PPP6R3: variants seen among roughly 807,000 people sequenced by gnomAD.
PPP6R3 encodes the protein serine/threonine-protein phosphatase 6 regulatory subunit 3.
Under a neutral mutation model 110.7 loss-of-function variants are expected in PPP6R3, and 38 were observed. That is an observed-to-expected ratio of 0.34 (90% CI 0.26 to 0.45). The LOEUF (loss-of-function observed/expected upper bound fraction) is 0.45, where lower values mean the gene tolerates loss of function less well. Ranked by LOEUF, PPP6R3 falls within the 20% of genes least tolerant of loss-of-function variation. The pLI, the probability that PPP6R3 is intolerant of heterozygous loss-of-function variation, is 1.00. For synonymous variants in PPP6R3, 369 were observed against 373.5 expected, an observed-to-expected ratio of 0.99 and a Z score of 0.14; for missense variants, 870 against 1,062.4, an observed-to-expected ratio of 0.82 and a Z score of 2.52.
chr11:68,607,725 A>G lies in PPP6R3; in HGVS notation c.2451-2179A>G, dbSNP rs576648467. Among the ~76,000 whole-genome samples, 13 of 151,858 alleles carry G rather than the reference A, an allele frequency of 8.6e-5. 1 individual carries two copies. The highest frequency in any genetic ancestry group is 6.2e-4 in the South Asian group (3 of 4,820). On this transcript the variant is annotated intron_variant, in intron 22 of 23. Transcript: ENST00000393800. The stretch of plus-strand genomic sequence containing the variant: ...TCATCTGTCTGTCATCTATCTATCT[A>G]TCTGTCTGTCTGCCTATCTAATCTA...
At chr11:68,499,726 C>T (rs954017223) in intron 1 of PPP6R3, among the ~76,000 whole-genome samples, 6 of 152,056 alleles carry the variant, frequency 3.9e-5, no homozygotes, top group Non-Finnish European at 7.4e-5. Flanking sequence ...TTGCGCGCAC[C>T]ACCACACCCG....
chr11:68,484,455 TA>T lies in PPP6R3; in HGVS notation c.-158+23629del, dbSNP rs1296672691. Among the ~76,000 whole-genome samples the T allele has an allele frequency of 5.3e-5, 8 of 152,274 alleles. 1 individual carries two copies. The South Asian group carries it at 1.7e-3, about 32-fold the overall frequency. On this transcript the variant is annotated intron_variant, in intron 1 of 23. Coordinates refer to ENST00000393800, the MANE Select transcript of PPP6R3 (RefSeq NM_001164161.2). ...TTTAATTTGCAGTTCCCTAATGATG[TA>T]TGATGTTGAACATGTTTTCAAATGC...
chr11:68,499,632 G>A (rs1228985715), intron 1 of PPP6R3, among the ~76,000 whole-genome samples: 1 of 152,088 alleles, frequency 6.6e-6, no homozygotes, highest in Non-Finnish European at 1.5e-5. Context: ...GCAGTGGTGC[G>A]ATCATAGCTC....
intron 1 of PPP6R3, among the ~76,000 whole-genome samples, chr11:68,470,355 A>G (rs1317579767): frequency 6.6e-6 from 1 of 152,072 alleles, no homozygotes; most frequent in African/African-American, 2.4e-5. Context: ...GCGGAGGGTC[A>G]GCAGGACAAG....
chr11:68,464,883 CT>C lies in PPP6R3; in HGVS notation c.-158+4072del, dbSNP rs35642999. On this transcript the variant is annotated intron_variant, in intron 1 of 23. Coordinates refer to ENST00000393800, the MANE Select transcript of PPP6R3 (RefSeq NM_001164161.2). Reference sequence around the variant, plus strand: ...GTCTGGTTTTAGATGCCAGCTTCAACTTTTTTTTTTTTTTTTCGGAGACAGT... The same window carrying C: ...GTCTGGTTTTAGATGCCAGCTTCAACTTTTTTTTTTTTTTTCGGAGACAGT... Among the ~76,000 whole-genome samples, 518 of 139,986 alleles carry C rather than the reference CT, an allele frequency of 3.7e-3. 1 individual carries two copies. The highest frequency in any genetic ancestry group is 6.0e-3 in the African/African-American group (231 of 38,274). The allele number at this position is 139,986 out of a possible 152,430, so 91.8% of individuals were successfully genotyped here.
chr11:68,572,914 T>G (rs1378825437), intron 12 of PPP6R3, among the ~76,000 whole-genome samples: 2 of 150,458 alleles, frequency 1.3e-5, no homozygotes, highest in African/African-American at 2.4e-5. Flanking sequence ...AGCAGATACT[T>G]TATTTTCCAA....
Position 68,613,328 on chromosome 11 carries a change from T to C in PPP6R3, c.*211T>C. On this transcript the variant is annotated 3_prime_UTR_variant, in exon 24 of 24. Coordinates refer to ENST00000393800, the MANE Select transcript of PPP6R3 (RefSeq NM_001164161.2). ...GCACATTGACAAATACCAAGAATTT[T>C]TGCGTATGTTTATATTGTATTGTTC... is the stretch of plus-strand genomic sequence containing the variant. 2.2e-6 allele frequency: 3 copies of C among 1,340,616 alleles called. No homozygotes were observed. Among genetic ancestry groups the C allele is most frequent in the South Asian group, 3.9e-5 (2 of 51,408 alleles). The allele number at this position is 1,340,616 out of a possible 1,614,324, so 83.0% of individuals were successfully genotyped here.
At chr11:68,554,910 A>G (rs879668624) in intron 7 of PPP6R3, among the ~76,000 whole-genome samples, 16 of 152,276 alleles carry the variant, frequency 1.1e-4, no homozygotes, top group Admixed American at 1.0e-3. Flanking sequence ...GCTTCGGTTT[A>G]CTTCTATTGT....
chr11:68,497,398 G>A (rs2099023984), intron 1 of PPP6R3, among the ~76,000 whole-genome samples: 1 of 151,564 alleles, frequency 6.6e-6, no homozygotes, highest in Non-Finnish European at 1.5e-5. Context: ...CTGTCACCTG[G>A]CTGGAGTGCA....
In PPP6R3 at chr11:68,552,813, A is replaced by G. The variant is rs58242947; in HGVS notation, c.619-1332A>G. Among the ~76,000 whole-genome samples the G allele has an allele frequency of 3.8e-3, 586 of 152,364 alleles. 3 individuals are homozygous for G. Among genetic ancestry groups the G allele is most frequent in the African/African-American group, 0.014 (562 of 41,574 alleles). ...CAATGGGCTAGGAAGAGGATTGCTC[A>G]GTAGGGGCTGTCTGAAGGGCCCAGG... On this transcript the variant is annotated intron_variant, in intron 6 of 23. Coordinates refer to ENST00000393800, the MANE Select transcript of PPP6R3 (RefSeq NM_001164161.2).
chr11:68,552,858 G>A (rs2099386321), intron 6 of PPP6R3, among the ~76,000 whole-genome samples: 1 of 152,226 alleles, frequency 6.6e-6, no homozygotes, highest in Non-Finnish European at 1.5e-5. Context: ...TAATGGAGAA[G>A]TCCAATTCTG....
chr11:68,496,853 CTTTTT>C (rs1157617908), intron 1 of PPP6R3, among the ~76,000 whole-genome samples: 38 of 61,266 alleles, frequency 6.2e-4, no homozygotes, highest in Admixed American at 1.4e-3. Flanking sequence ...ATATTCTTGT[CTTTTT>C]TTTTTTTTTT....
intron 1 of PPP6R3, among the ~76,000 whole-genome samples, chr11:68,515,514 C>T (rs1360379753): frequency 1.3e-5 from 2 of 152,166 alleles, no homozygotes; most frequent in Admixed American, 6.5e-5. Flanking sequence ...GCTTGCAAAC[C>T]GATGTTCCAA....
intron 8 of PPP6R3, 67 bp from the exon 9 acceptor site, chr11:68,564,236 A>G (rs562356907): frequency 3.4e-6 from 5 of 1,462,620 alleles, no homozygotes; most frequent in African/African-American, 2.8e-5. Flanking sequence ...AAAGACATAC[A>G]TGGTCGATAA....
At chr11:68,606,996 A>G (rs1940468887) in intron 22 of PPP6R3, among the ~76,000 whole-genome samples, 1 of 152,222 alleles carries the variant, frequency 6.6e-6, no homozygotes, top group Non-Finnish European at 1.5e-5. Flanking sequence ...AATACATCAA[A>G]ATATAAATTA....
At chr11:68,483,122 C>T (rs1278320961) in intron 1 of PPP6R3, among the ~76,000 whole-genome samples, 1 of 152,100 alleles carries the variant, frequency 6.6e-6, no homozygotes, top group Non-Finnish European at 1.5e-5. Flanking sequence ...ACACTACAAG[C>T]TGAGTTATTT....
intron 1 of PPP6R3, 76 bp downstream of exon 1, chr11:68,460,903 C>G (rs1446413428): frequency 6.2e-3 from 2 of 322 alleles, no homozygotes; most frequent in Admixed American, 0.12. Context: ...CGCGGGGCCC[C>G]TCCACCTGGC....
At chr11:68,562,067 C>A (rs2099426634) in intron 8 of PPP6R3, among the ~76,000 whole-genome samples, 1 of 150,312 alleles carries the variant, frequency 6.7e-6, no homozygotes, top group African/African-American at 2.4e-5. Context: ...AAAAAAAACG[C>A]ATACTCCTAG....
intron 7 of PPP6R3, among the ~76,000 whole-genome samples, chr11:68,557,853 T>C (rs2099405439): frequency 6.6e-6 from 1 of 152,242 alleles, no homozygotes; most frequent in South Asian, 2.1e-4. Flanking sequence ...CGAAAATTAC[T>C]GAGAGGCTAA....
Sources: allele counts gnomAD v4.1 joint callset (sites outside exome capture counted in the v4.1 genomes callset), GRCh38; gene constraint gnomAD v4.1.1; transcripts MANE v1.5; gene names NCBI Gene and HGNC (gene_info 2026-07-23, HGNC 2026-07-21).